Variants in UBE4B observed in about 807,000 individuals in gnomAD.
UBE4B encodes the protein ubiquitination factor E4B.
UBE4B carries 27 observed loss-of-function variants against 148.1 expected under a neutral mutation model. The observed-to-expected ratio is 0.18, with a 90% CI of 0.13 to 0.25. The LOEUF (loss-of-function observed/expected upper bound fraction) is 0.25. Among genes scored for constraint, UBE4B ranks in the 10% least tolerant of loss-of-function variants. UBE4B has a pLI of 1.00. For missense variants in UBE4B, 1,170 were observed against 1,662.4 expected (o/e 0.70, Z 5.15); for synonymous variants, 596 against 619.3 (o/e 0.96, Z 0.56).
chr1:10,137,507 CTTTAAAAG>C (rs1382800260), intron 17 of UBE4B, among the ~76,000 whole-genome samples: 1 of 152,160 alleles, frequency 6.6e-6, no homozygotes, highest in East Asian at 1.9e-4. Flanking sequence ...GCACTTCAAA[CTTTAAAAG>C]TTTAAAGGAT....
Position 10,123,656 on chromosome 1 carries a change from C to T in UBE4B, c.1554+1580C>T, listed in dbSNP as rs537122963. Among the ~76,000 whole-genome samples the T allele has an allele frequency of 4.6e-5, 7 of 152,186 alleles. No individual in the cohort carries two copies. In the South Asian group the frequency reaches 1.2e-3, roughly 27 times the overall value. On this transcript the variant is annotated intron_variant, in intron 10 of 27. Coordinates refer to ENST00000343090, the MANE Select transcript of UBE4B (RefSeq NM_001105562.3). Reference sequence around the variant, plus strand: ...CTTACACAAGAGGTTATGAAATGACCTCTGGGTGTTTTTTGTTTGTTTGTT... The same window carrying T: ...CTTACACAAGAGGTTATGAAATGACTTCTGGGTGTTTTTTGTTTGTTTGTT...
chr1:10,099,171 G>T (rs568820848), intron 3 of UBE4B, among the ~76,000 whole-genome samples: 2 of 152,300 alleles, frequency 1.3e-5, no homozygotes, highest in East Asian at 1.9e-4. Context: ...GAACCTGGGA[G>T]GCAGGGGTTG....
intron 1 of UBE4B, among the ~76,000 whole-genome samples, chr1:10,034,011 A>G (rs893164553): frequency 2.0e-5 from 3 of 152,140 alleles, no homozygotes; most frequent in African/African-American, 7.2e-5. Flanking sequence ...ATTTACATGA[A>G]GTTAAAGTGT....
intron 1 of UBE4B, among the ~76,000 whole-genome samples, chr1:10,046,681 T>G (rs2101784678): frequency 6.6e-6 from 1 of 152,300 alleles, no homozygotes; most frequent in Admixed American, 6.5e-5. Context: ...TGGAGAGTTT[T>G]TCTGTGTTTC....
At chr1:10,068,164 G>T (rs1207661960) in intron 1 of UBE4B, among the ~76,000 whole-genome samples, 1 of 151,720 alleles carries the variant, frequency 6.6e-6, no homozygotes, top group East Asian at 1.9e-4. Flanking sequence ...AAGTACCTGG[G>T]ATTACAGGTG....
chr1:10,170,733 T>G (rs780070771), intron 24 of UBE4B, among the ~76,000 whole-genome samples: 3 of 152,236 alleles, frequency 2.0e-5, no homozygotes, highest in Non-Finnish European at 4.4e-5. Context: ...GGAAAAAAGT[T>G]TATGAAATAC....
chr1:10,102,931 ATCT>A lies in UBE4B; in HGVS notation c.436-8_436-6del, dbSNP rs370165181. On this transcript the variant is annotated splice_polypyrimidine_tract_variant and intron_variant, in intron 4 of 27. Transcript: ENST00000343090. ...CCTCTTATTTGAAATTAACCTGCAA[ATCT>A]TCTTCTTCACCAGGAGCCTTCCTCG... is the stretch of plus-strand genomic sequence containing the variant. 356 of 1,592,706 alleles carry A rather than the reference ATCT, an allele frequency of 2.2e-4. 2 individuals are homozygous for A. The highest frequency in any genetic ancestry group is 2.1e-3 in the East Asian group (91 of 44,374).
At chr1:10,144,851 G>A (rs1261491514) in intron 17 of UBE4B, 89 bp from the exon 18 acceptor site, 1 of 846,188 alleles carries the variant, frequency 1.2e-6, no homozygotes, top group Non-Finnish European at 1.9e-6. Flanking sequence ...ACAAACAACT[G>A]CGTGTGAGAG....
chr1:10,070,032 T>TG (rs923648520), intron 1 of UBE4B, among the ~76,000 whole-genome samples: 4 of 152,018 alleles, frequency 2.6e-5, no homozygotes, highest in Admixed American at 6.6e-5. Context: ...CCCAGCACTT[T>TG]GGGGGGCCGA....
chr1:10,126,712 A>G, intron 10 of UBE4B, 82 bp from the exon 11 acceptor site: 4 of 1,195,092 alleles, frequency 3.3e-6, no homozygotes, highest in South Asian at 2.7e-5. Context: ...TTGGACATTC[A>G]GTTCTAGCAC....
chr1:10,173,314 T>TA (rs1014968129), intron 25 of UBE4B, among the ~76,000 whole-genome samples: 13 of 151,004 alleles, frequency 8.6e-5, no homozygotes, highest in Admixed American at 1.3e-4. Context: ...CCGTCTCTAC[T>TA]AAAAAAAATA....
chr1:10,076,496 G>A (rs1385511307), intron 2 of UBE4B, among the ~76,000 whole-genome samples: 5 of 151,386 alleles, frequency 3.3e-5, no homozygotes, highest in Non-Finnish European at 5.9e-5. Context: ...CACCTGCCTC[G>A]GCCTCCCAAA....
chr1:10,146,717 T>G (rs1645879261), intron 18 of UBE4B, among the ~76,000 whole-genome samples: 1 of 152,092 alleles, frequency 6.6e-6, no homozygotes, highest in South Asian at 2.1e-4. Flanking sequence ...CTGTTGGAAC[T>G]CAACATTTTG....
At chr1:10,047,243 TG>T (rs1444365387) in intron 1 of UBE4B, among the ~76,000 whole-genome samples, 2 of 152,154 alleles carry the variant, frequency 1.3e-5, no homozygotes, top group African/African-American at 4.8e-5. Context: ...TTGAACAAGA[TG>T]TTGATTTTTT....
intron 3 of UBE4B, among the ~76,000 whole-genome samples, chr1:10,098,980 G>A (rs1644968884): frequency 6.6e-6 from 1 of 152,194 alleles, no homozygotes; most frequent in South Asian, 2.1e-4. Context: ...GCTCACACCT[G>A]TAATCCCAGC....
chr1:10,152,488 C>T (rs1181801929), intron 21 of UBE4B, among the ~76,000 whole-genome samples: 1 of 151,628 alleles, frequency 6.6e-6, no homozygotes, highest in Non-Finnish European at 1.5e-5. Context: ...GCAGCCCACA[C>T]CAAGAGCCTT....
chr1:10,096,486 C>T lies in UBE4B; in HGVS notation c.347+890C>T, dbSNP rs1038567288. Among the ~76,000 whole-genome samples the T allele has an allele frequency of 3.9e-5, 6 of 152,132 alleles. No homozygotes were observed. In the South Asian group the frequency reaches 1.0e-3, roughly 26 times the overall value. On this transcript the variant is annotated intron_variant, in intron 3 of 27. Coordinates refer to ENST00000343090, the MANE Select transcript of UBE4B (RefSeq NM_001105562.3). ...ATGGCTCATGCCTGTAATCCTAGCACTTTGGGAGGCCGAGGCAGGTGGATC... is the reference window on the plus strand; with the variant it reads ...ATGGCTCATGCCTGTAATCCTAGCATTTTGGGAGGCCGAGGCAGGTGGATC...
chr1:10,040,320 G>C (rs1317733698), intron 1 of UBE4B, among the ~76,000 whole-genome samples: 1 of 151,968 alleles, frequency 6.6e-6, no homozygotes, highest in Non-Finnish European at 1.5e-5. Flanking sequence ...ATATTGGCCA[G>C]GCTGGTCTTG....
intron 3 of UBE4B, among the ~76,000 whole-genome samples, chr1:10,097,791 CAG>C (rs1275633424): frequency 2.6e-5 from 4 of 152,134 alleles, no homozygotes; most frequent in Non-Finnish European, 5.9e-5. Context: ...GCTTGGGCAA[CAG>C]AGTGAGACTT....
Sources: allele counts gnomAD v4.1 joint callset (sites outside exome capture counted in the v4.1 genomes callset), GRCh38; gene constraint gnomAD v4.1.1; transcripts MANE v1.5; gene names NCBI Gene and HGNC (gene_info 2026-07-23, HGNC 2026-07-21).